TRIM2: variants seen among roughly 807,000 people sequenced by gnomAD.
TRIM2 encodes the protein tripartite motif-containing protein 2.
TRIM2 carries 20 observed loss-of-function variants against 75.2 expected under a neutral mutation model. That is an observed-to-expected ratio of 0.27 (90% CI 0.19 to 0.39). The LOEUF is 0.39. Among genes scored for constraint, TRIM2 ranks in the 10% least tolerant of loss-of-function variants. The probability of loss-of-function intolerance (pLI) is 1.00; values close to 1 mark genes in which losing one functional copy is unlikely to be tolerated. For missense variants in TRIM2, 660 were observed against 990.8 expected (o/e 0.67, Z 4.48); for synonymous variants, 373 against 388.3 (o/e 0.96, Z 0.46).
At chr4:153,332,782 CT>C (rs1771775001) in intron 11 of TRIM2, among the ~76,000 whole-genome samples, 1 of 152,146 alleles carries the variant, frequency 6.6e-6, no homozygotes, top group Non-Finnish European at 1.5e-5. Flanking sequence ...TTACTGCACA[CT>C]TATAAGGATA....
At chr4:153,303,343 C>T (rs1271806983) in intron 6 of TRIM2, among the ~76,000 whole-genome samples, 5 of 151,572 alleles carry the variant, frequency 3.3e-5, no homozygotes, top group Non-Finnish European at 5.9e-5. Context: ...CATGGTGGCA[C>T]GCACCTGTAA....
upstream of TRIM2, among the ~76,000 whole-genome samples, chr4:153,199,658 G>A (rs572717083): frequency 1.3e-5 from 2 of 152,246 alleles, no homozygotes; most frequent in Admixed American, 1.3e-4. Flanking sequence ...GTGCAAGCAG[G>A]TCTACTGGCA....
chr4:153,213,906 C>T (rs561739609), intron 1 of TRIM2, among the ~76,000 whole-genome samples: 101 of 151,904 alleles, frequency 6.6e-4, no homozygotes, highest in African/African-American at 2.1e-3. Flanking sequence ...AAGAGGGAAA[C>T]GAGGCACAGG....
intron 1 of TRIM2, among the ~76,000 whole-genome samples, chr4:153,211,474 T>C (rs1327805389): frequency 1.3e-5 from 2 of 150,168 alleles, no homozygotes; most frequent in Non-Finnish European, 2.9e-5. Flanking sequence ...CTTGCTTTTT[T>C]GTTTTTTCTT....
rs141089035 is a variant in TRIM2, at chr4:153,316,530, G to A, written c.1782+531G>A. Among the ~76,000 whole-genome samples the A allele has an allele frequency of 1.1e-4, 17 of 152,104 alleles. No homozygotes were observed. The East Asian group carries it at 2.5e-3, about 22-fold the overall frequency. ...AATTTATGTCAGTCTCTAATGAGTC[G>A]TACATTGATACAATCTGAAAACATA... On this transcript the variant is annotated intron_variant, in intron 8 of 11. Transcript: ENST00000338700.
intron 1 of TRIM2, chr4:153,153,360 A>C (rs920561153): frequency 2.0e-5 from 3 of 151,770 alleles, no homozygotes; most frequent in African/African-American, 4.8e-5. Context: ...CAGGGATAGG[A>C]GAGGCGGGCG....
intron 1 of TRIM2, among the ~76,000 whole-genome samples, chr4:153,164,374 C>G (rs1253656671): frequency 6.6e-6 from 1 of 152,194 alleles, no homozygotes. Context: ...ATACAGCAGT[C>G]TCTTTTCTCC....
chr4:153,209,889 A>G (rs1052536235), intron 1 of TRIM2, among the ~76,000 whole-genome samples: 3 of 152,124 alleles, frequency 2.0e-5, no homozygotes, highest in African/African-American at 7.2e-5. Context: ...TTTCCTCCAT[A>G]TGACTTCTCT....
chr4:153,199,933 C>A (rs954615967), upstream of TRIM2, among the ~76,000 whole-genome samples: 2 of 140,542 alleles, frequency 1.4e-5, no homozygotes, highest in African/African-American at 5.5e-5. Flanking sequence ...ACCACCATGG[C>A]CAGCTAATTT....
At chr4:153,244,465 T>G (rs1748536452) in intron 1 of TRIM2, among the ~76,000 whole-genome samples, 2 of 145,836 alleles carry the variant, frequency 1.4e-5, no homozygotes, top group African/African-American at 2.5e-5. Context: ...CTCACTATGT[T>G]GCCCGAGCTG....
chr4:153,285,598 C>T (rs1760434958), intron 3 of TRIM2, among the ~76,000 whole-genome samples: 1 of 152,202 alleles, frequency 6.6e-6, no homozygotes, highest in African/African-American at 2.4e-5. Context: ...CCTGGGATTA[C>T]AGGCATGAGC....
chr4:153,292,878 G>A lies in TRIM2; in HGVS notation c.454-104G>A, dbSNP rs1762095128. Reference sequence around the variant, plus strand: ...GACTTAATAATGCTGACATTCTGGGGTGGCTCTCATTTAATTATGAGAGAC... The same window carrying A: ...GACTTAATAATGCTGACATTCTGGGATGGCTCTCATTTAATTATGAGAGAC... On this transcript the variant is annotated intron_variant, in intron 3 of 11. Transcript: ENST00000338700. 5 of 1,099,772 alleles carry A rather than the reference G, an allele frequency of 4.5e-6. No homozygotes were observed. The African/African-American group carries it at 4.7e-5, about 10-fold the overall frequency. 68.1% of individuals were successfully genotyped at this position (1,099,772 alleles called of 1,614,324 possible).
chr4:153,210,058 A>ATTTTTTT (rs761134144), intron 1 of TRIM2, among the ~76,000 whole-genome samples: 12 of 106,998 alleles, frequency 1.1e-4, no homozygotes, highest in East Asian at 2.6e-4. Flanking sequence ...GGGTGATTTA[A>ATTTTTTT]TTTTTTTTTT....
At chr4:153,253,507 G>A (rs901069942) in intron 1 of TRIM2, among the ~76,000 whole-genome samples, 1 of 152,188 alleles carries the variant, frequency 6.6e-6, no homozygotes, top group African/African-American at 2.4e-5. Flanking sequence ...AAAAATACAT[G>A]TGGAACTGTC....
At chr4:153,198,130 A>T (rs1215594617) in intron 1 of TRIM2, among the ~76,000 whole-genome samples, 2 of 152,216 alleles carry the variant, frequency 1.3e-5, no homozygotes, top group Non-Finnish European at 2.9e-5. Flanking sequence ...TATTATTTTA[A>T]AAAAGAAATT....
At chr4:153,221,024 T>C (rs529055220) in intron 1 of TRIM2, among the ~76,000 whole-genome samples, 1 of 152,294 alleles carries the variant, frequency 6.6e-6, no homozygotes, top group East Asian at 1.9e-4. Flanking sequence ...ATATGTCAAC[T>C]CAAAAACTTG....
chr4:153,207,164 T>A (rs1488785362), intron 1 of TRIM2, among the ~76,000 whole-genome samples: 1 of 152,178 alleles, frequency 6.6e-6, no homozygotes, highest in East Asian at 1.9e-4. Flanking sequence ...ACACTTCAGG[T>A]CACTTACTCA....
intron 1 of TRIM2, among the ~76,000 whole-genome samples, chr4:153,253,546 C>G (rs1751355264): frequency 6.6e-6 from 1 of 152,206 alleles, no homozygotes; most frequent in East Asian, 1.9e-4. Context: ...GCAACTCCAT[C>G]TTGAATAGGA....
intron 1 of TRIM2, among the ~76,000 whole-genome samples, chr4:153,191,397 C>T (rs753667947): frequency 5.3e-5 from 8 of 152,264 alleles, no homozygotes; most frequent in East Asian, 3.8e-4. Flanking sequence ...CCCTGTGTCC[C>T]GGACAATCCT....
Sources: allele counts gnomAD v4.1 joint callset (sites outside exome capture counted in the v4.1 genomes callset), GRCh38; gene constraint gnomAD v4.1.1; transcripts MANE v1.5; gene names NCBI Gene and HGNC (gene_info 2026-07-23, HGNC 2026-07-21).